The following KRT80 variants were observed in gnomAD, a reference collection of about 807,000 sequenced individuals.
KRT80 encodes keratin 80, also known as keratin, type II cytoskeletal 80.
A neutral mutation model predicts 51.5 loss-of-function variants in KRT80; 36 were observed. The observed-to-expected ratio is 0.70, with a 90% CI of 0.54 to 0.92. KRT80 has a LOEUF of 0.92. Among genes scored for constraint, KRT80 ranks in the 40% least tolerant of loss-of-function variants. The pLI, the probability that KRT80 is intolerant of heterozygous loss-of-function variation, is 0.00. For missense variants in KRT80, 566 were observed against 591.7 expected (o/e 0.96, Z 0.45); for synonymous variants, 235 against 248.3 (o/e 0.95, Z 0.50).
chr12:52,191,323 G>C, intron 1 of KRT80, among the ~76,000 whole-genome samples: 1 of 152,200 alleles, frequency 6.6e-6, no homozygotes, highest in East Asian at 1.9e-4. Flanking sequence ...CCCAGTCCCT[G>C]CCTGGGTGGT....
In KRT80 at chr12:52,172,274, C is replaced by G; in HGVS notation, c.1102G>C (p.Glu368Gln). The G allele has an allele frequency of 6.2e-7, 1 of 1,613,972 alleles. No homozygotes were observed. The highest frequency in any genetic ancestry group is 2.2e-5 in the East Asian group (1 of 44,874). ...DMARQLRKYQ[E>Q]LMNVKLALDI... The stretch of plus-strand genomic sequence containing the variant: ...AGGGCCAGCTTGACGTTCATCAGCT[C>G]CTGGTACTTGCGCAGCTGCCGCGCC... Residue 368 changes from glutamate (E) to glutamine (Q), a missense_variant, in exon 7 of 9, where the codon GAG (glutamate) becomes CAG (glutamine). Physicochemically the swap from Glu to Gln is conservative, Grantham distance 29. Coordinates refer to ENST00000394815, the MANE Select transcript of KRT80 (RefSeq NM_182507.3).
chr12:52,191,478 G>T (rs926772110), intron 1 of KRT80, 125 bp downstream of exon 1: 3 of 944,456 alleles, frequency 3.2e-6, no homozygotes, highest in Non-Finnish European at 4.8e-6. Flanking sequence ...GGTTAGCAGT[G>T]CCATCTCCCC....
At position 52,180,789 on chromosome 12, in the gene KRT80, G is replaced by A. The variant is rs756590326; in HGVS notation, c.570+114C>T. On this transcript the variant is annotated intron_variant, in intron 3 of 8. Transcript: ENST00000394815. ...TCTCCCTGTCTGTCTGTTGGTCCTG[G>A]GACTTAAGCCTCTGAGGGCTTTGAT... 4.4e-6 allele frequency: 7 copies of A among 1,592,028 alleles called. No homozygotes were observed. The East Asian group carries it at 1.1e-4, about 26-fold the overall frequency.
chr12:52,173,451 C>A, intron 5 of KRT80, 149 bp downstream of exon 5: 1 of 720,144 alleles, frequency 1.4e-6, no homozygotes, highest in Non-Finnish European at 2.3e-6. Flanking sequence ...TCTCCCCCCG[C>A]CCGCCCCGTC....
chr12:52,186,630 CA>C (rs1007067953), intron 1 of KRT80, among the ~76,000 whole-genome samples: 1 of 152,216 alleles, frequency 6.6e-6, no homozygotes, highest in African/African-American at 2.4e-5. Flanking sequence ...ACCTTTTAAC[CA>C]CTATGACACA....
intron 4 of KRT80, among the ~76,000 whole-genome samples, chr12:52,177,455 G>A (rs1042417448): frequency 6.6e-6 from 1 of 152,106 alleles, no homozygotes; most frequent in Non-Finnish European, 1.5e-5. Flanking sequence ...CCGACTGGAT[G>A]CAGCCAGGCC....
Position 52,171,494 on chromosome 12 carries a change from G to A in KRT80, c.1263C>T (p.Ala421=). The A allele has an allele frequency of 6.2e-7, 1 of 1,613,242 alleles. No individual in the cohort carries two copies. The highest frequency in any genetic ancestry group is 8.5e-7 in the Non-Finnish European group (1 of 1,179,560). ...TGCTGCCCTTCTTCTTTCGGGAGGG[G>A]GCCTTGGAGAGGCCTGATCTGGAGG... is the stretch of plus-strand genomic sequence containing the variant. The part of the protein sequence containing the change: ...TAASRSGLSK[A]PSRKKKGSKG... The change falls in exon 9 of 9, where the codon GCC becomes GCT. Residue 421 remains alanine (A), a synonymous_variant. Coordinates refer to ENST00000394815, the MANE Select transcript of KRT80 (RefSeq NM_182507.3).
intron 4 of KRT80, among the ~76,000 whole-genome samples, chr12:52,178,503 G>A (rs1941268985): frequency 6.6e-6 from 1 of 152,224 alleles, no homozygotes; most frequent in African/African-American, 2.4e-5. Flanking sequence ...TCTTAGGGAG[G>A]GTACCGCCTG....
chr12:52,172,092 TG>T, intron 7 of KRT80, 105 bp downstream of exon 7: 1 of 1,263,626 alleles, frequency 7.9e-7, no homozygotes. Context: ...AACCCAGGCC[TG>T]GTAGGCTCAC....
In KRT80 at chr12:52,181,488, C is replaced by T. The variant is rs1941319897; in HGVS notation, c.510-525G>A. On this transcript the variant is annotated intron_variant, in intron 2 of 8. Transcript: ENST00000394815. ...AAAGGGAGGCTGGAAAGAGTGTGAA[C>T]TTTGCTGTCAGAGGGACCCCCAGTG... is the stretch of plus-strand genomic sequence containing the variant. 2.0e-5 allele frequency among the ~76,000 whole-genome samples: 3 copies of T among 151,960 alleles called. No homozygotes were observed. In the South Asian group the frequency reaches 6.2e-4, roughly 32 times the overall value.
At chr12:52,190,133 T>TGGACA (rs1941459445) in intron 1 of KRT80, among the ~76,000 whole-genome samples, 1 of 152,102 alleles carries the variant, frequency 6.6e-6, no homozygotes, top group Non-Finnish European at 1.5e-5. Flanking sequence ...CTCAGTGGAC[T>TGGACA]GTGGTCCTTC....
At chr12:52,181,859 G>A (rs1941326509) in intron 2 of KRT80, among the ~76,000 whole-genome samples, 1 of 152,200 alleles carries the variant, frequency 6.6e-6, no homozygotes, top group Admixed American at 6.5e-5. Flanking sequence ...AGCTGCTGTG[G>A]GGATTCAGCA....
intron 2 of KRT80, among the ~76,000 whole-genome samples, chr12:52,183,941 G>A (rs577318112): frequency 6.6e-6 from 1 of 152,374 alleles, no homozygotes; most frequent in Non-Finnish European, 1.5e-5. Context: ...AGGAAAGTGG[G>A]TCACAGATTC....
At position 52,171,665 on chromosome 12, in the gene KRT80, G is replaced by T; in HGVS notation, c.1227C>A (p.Cys409Ter). The T allele has an allele frequency of 7.3e-7, 1 of 1,366,016 alleles. No individual in the cohort carries two copies. Among genetic ancestry groups the T allele is most frequent in the Non-Finnish European group, 9.7e-7 (1 of 1,028,014 alleles). The allele number at this position is 1,366,016 out of a possible 1,614,324, so 84.6% of individuals were successfully genotyped here. ...CGGGGCAAGAGGACTCACCGGTTTT[G>T]CACCTGGACTGCACAGCGCTGACCA... ...ATVVSAVQSRCKTAASRSGLS... is the reference protein window; with the variant it reads ...ATVVSAVQSR Residue 409 changes from cysteine (C) to a stop codon, truncating the protein, a stop_gained, in exon 8 of 9, where the codon TGC becomes TGA. Transcript: ENST00000394815. LOFTEE classifies it high-confidence loss of function.
chr12:52,173,707 T>A lies in KRT80; in HGVS notation c.724A>T (p.Ser242Cys). 1 of 1,612,678 alleles carries A rather than the reference T, an allele frequency of 6.2e-7. No individual in the cohort carries two copies. The highest frequency in any genetic ancestry group is 8.5e-7 in the Non-Finnish European group (1 of 1,180,014). The stretch of plus-strand genomic sequence containing the variant: ...CCGCTCAGGTCGATGTGGCAGCGGC[T>A]GTCCATGCCGACGGTCACCGACACA... ...KDVSVTVGMD[S>C]RCHIDLSGIV... Residue 242 changes from serine (S) to cysteine (C), a missense_variant, in exon 5 of 9, where the codon AGC (serine) becomes TGC (cysteine). By Grantham distance (112) the Ser-to-Cys change is moderately radical. Coordinates refer to ENST00000394815, the MANE Select transcript of KRT80 (RefSeq NM_182507.3).
chr12:52,176,210 G>A (rs546198404), intron 4 of KRT80, among the ~76,000 whole-genome samples: 241 of 152,320 alleles, frequency 1.6e-3, no homozygotes, highest in African/African-American at 5.2e-3. Flanking sequence ...GGCCCCTGCC[G>A]GGCTGCAGAG....
chr12:52,191,541 A>G, intron 1 of KRT80, 62 bp downstream of exon 1: 10 of 1,474,910 alleles, frequency 6.8e-6, no homozygotes, highest in Non-Finnish European at 9.2e-6. Context: ...GGAAACACAG[A>G]GCTCAGCTAC....
intron 2 of KRT80, among the ~76,000 whole-genome samples, chr12:52,182,255 T>C (rs1305623696): frequency 2.6e-5 from 4 of 151,756 alleles, no homozygotes; most frequent in African/African-American, 7.3e-5. Context: ...TGGACTTGAG[T>C]GGGGAATAAC....
intron 1 of KRT80, among the ~76,000 whole-genome samples, chr12:52,186,208 C>T (rs913624980): frequency 3.3e-5 from 5 of 152,058 alleles, no homozygotes; most frequent in Non-Finnish European, 5.9e-5. Context: ...CCTCTCTATT[C>T]TCCTTCCCAT....
Sources: allele counts gnomAD v4.1 joint callset (sites outside exome capture counted in the v4.1 genomes callset), GRCh38; gene constraint gnomAD v4.1.1; transcripts MANE v1.5; gene names NCBI Gene and HGNC (gene_info 2026-07-23, HGNC 2026-07-21).